SYNPO: variants seen among roughly 807,000 people sequenced by gnomAD.
The protein encoded by SYNPO is synaptopodin.
Under a neutral mutation model 49.5 loss-of-function variants are expected in SYNPO, and 19 were observed. That is an observed-to-expected ratio of 0.38 (90% CI 0.27 to 0.56). The LOEUF is 0.56. Among genes scored for constraint, SYNPO ranks in the 20% least tolerant of loss-of-function variants. The pLI, the probability that SYNPO is intolerant of heterozygous loss-of-function variation, is 0.68. For missense variants in SYNPO, 1,131 were observed against 1,248.3 expected, an observed-to-expected ratio of 0.91 and a Z score of 1.42; for synonymous variants, 536 against 548.0, an observed-to-expected ratio of 0.98 and a Z score of 0.31.
chr5:150,598,844 A>G (rs912568309), upstream of SYNPO, among the ~76,000 whole-genome samples: 1 of 151,748 alleles, frequency 6.6e-6, no homozygotes, highest in African/African-American at 2.4e-5. Flanking sequence ...AGGGGTCCCC[A>G]GAGGCCTGAA....
intron 2 of SYNPO, among the ~76,000 whole-genome samples, chr5:150,628,382 C>G (rs776030937): frequency 4.6e-5 from 7 of 152,202 alleles, no homozygotes; most frequent in Non-Finnish European, 1.0e-4. Context: ...TGGAGGCATG[C>G]CTCATGTGTG....
chr5:150,622,024 A>G (rs1364480964), intron 2 of SYNPO, among the ~76,000 whole-genome samples: 2 of 152,242 alleles, frequency 1.3e-5, no homozygotes, highest in African/African-American at 4.8e-5. Flanking sequence ...TGAGTGCCAG[A>G]GATGGCAAGT....
At chr5:150,602,997 G>GGGGGT (rs1554106602) in intron 1 of SYNPO, among the ~76,000 whole-genome samples, 6 of 131,252 alleles carry the variant, frequency 4.6e-5, no homozygotes, top group African/African-American at 1.8e-4. Context: ...GCCACCTTAG[G>GGGGGT]GTGTGTGTGT....
At chr5:150,603,884 G>A (rs113564487) in intron 1 of SYNPO, among the ~76,000 whole-genome samples, 2,840 of 152,322 alleles carry the variant, frequency 0.019, 54 homozygotes, top group Non-Finnish European at 0.024. Context: ...GCCCTAGGAT[G>A]AAACAAAATG....
chr5:150,607,631 G>C (rs1185375784), intron 1 of SYNPO, among the ~76,000 whole-genome samples: 3 of 152,188 alleles, frequency 2.0e-5, no homozygotes, highest in Non-Finnish European at 4.4e-5. Flanking sequence ...ACTTGACCCA[G>C]GTCTCACAGC....
chr5:150,588,977 A>G, the SYNPO span, among the ~76,000 whole-genome samples: 2 of 152,008 alleles, frequency 1.3e-5, no homozygotes, highest in Non-Finnish European at 2.9e-5. Context: ...TCGAGGCTAT[A>G]TTGATTCAAT....
chr5:150,604,306 C>G (rs1249572962), intron 1 of SYNPO, among the ~76,000 whole-genome samples: 1 of 152,214 alleles, frequency 6.6e-6, no homozygotes, highest in Non-Finnish European at 1.5e-5. Flanking sequence ...AAGAAACATT[C>G]TCATTTAAAA....
upstream of SYNPO, among the ~76,000 whole-genome samples, chr5:150,596,946 T>C (rs1450849665): frequency 6.6e-6 from 1 of 152,210 alleles, no homozygotes. Context: ...TCTGTCCACA[T>C]TCTGGATTCT....
intron 2 of SYNPO, among the ~76,000 whole-genome samples, chr5:150,635,627 C>T (rs568965939): frequency 6.6e-6 from 1 of 152,268 alleles, no homozygotes; most frequent in South Asian, 2.1e-4. Flanking sequence ...CGCTACTATG[C>T]CTGGCAAATA....
At chr5:150,607,295 G>T (rs1267085961) in intron 1 of SYNPO, among the ~76,000 whole-genome samples, 1 of 152,214 alleles carries the variant, frequency 6.6e-6, no homozygotes, top group Non-Finnish European at 1.5e-5. Flanking sequence ...ATGTTAGGCT[G>T]CATTAATAAA....
At chr5:150,627,231 T>C (rs369899005) in intron 2 of SYNPO, among the ~76,000 whole-genome samples, 6 of 152,140 alleles carry the variant, frequency 3.9e-5, no homozygotes, top group East Asian at 1.9e-4. Flanking sequence ...CCCGGGGAAG[T>C]ACAGGGGGGT....
At position 150,656,616 on chromosome 5, in the gene SYNPO, G is replaced by A; in HGVS notation, c.2241G>A (p.Arg747=). 1 of 1,512,368 alleles carries A rather than the reference G, an allele frequency of 6.6e-7. No individual in the cohort carries two copies. The highest frequency in any genetic ancestry group is 8.8e-7 in the Non-Finnish European group (1 of 1,137,924). The allele number at this position is 1,512,368 out of a possible 1,614,324, so 93.7% of individuals were successfully genotyped here. The change falls in exon 3 of 3, where the codon CGG becomes CGA. Residue 747 remains arginine (R), a synonymous_variant. Transcript: ENST00000307662. ...VSPLRPETEA[R]PPSRQLQALL... is the part of the protein sequence containing the mutation. ...CGCTGCGACCTGAGACCGAGGCGCG[G>A]CCCCCCAGCCGCCAGCTGCAGGCGC...
intron 2 of SYNPO, chr5:150,651,496 AT>A: frequency 1.0e-6 from 1 of 1,000,950 alleles, no homozygotes; most frequent in Non-Finnish European, 1.2e-6. Context: ...GAAATGGGCT[AT>A]TGCCAAAGGA....
chr5:150,598,161 A>G (rs955536343), upstream of SYNPO, among the ~76,000 whole-genome samples: 1 of 152,134 alleles, frequency 6.6e-6, no homozygotes, highest in Admixed American at 6.5e-5. Flanking sequence ...CCACAGAGAA[A>G]CACACACTAC....
intron 2 of SYNPO, chr5:150,653,408 GCCA>G (rs900498291): frequency 4.6e-5 from 7 of 152,208 alleles, no homozygotes; most frequent in African/African-American, 9.7e-5. Flanking sequence ...TCCCCTTGTG[GCCA>G]CCAAAGGCAG....
At chr5:150,650,579 GGA>G in intron 2 of SYNPO, 2 of 1,455,222 alleles carry the variant, frequency 1.4e-6, no homozygotes, top group Admixed American at 2.8e-5. Context: ...GGAGGGTCAT[GGA>G]GAGAGAACTG....
chr5:150,602,794 G>T (rs747885354), intron 1 of SYNPO, among the ~76,000 whole-genome samples: 2 of 152,026 alleles, frequency 1.3e-5, no homozygotes, highest in Non-Finnish European at 2.9e-5. Context: ...TTCCCTCATG[G>T]CTTCCCAGCG....
At chr5:150,598,370 C>T (rs754784928), upstream of SYNPO, among the ~76,000 whole-genome samples, 1 of 152,226 alleles carries the variant, frequency 6.6e-6, no homozygotes. Flanking sequence ...GTCTGTGCTG[C>T]CGTGAAGGGC....
intron 1 of SYNPO, among the ~76,000 whole-genome samples, chr5:150,644,048 G>A (rs1028449972): frequency 6.6e-6 from 1 of 151,966 alleles, no homozygotes; most frequent in African/African-American, 2.4e-5. Flanking sequence ...AGTGGCATAT[G>A]CCTATAGTCC....
Sources: gnomAD v4.1 joint callset for allele counts (sites outside exome capture counted in the v4.1 genomes callset) on GRCh38, gnomAD v4.1.1 for gene constraint, MANE v1.5 for transcripts, NCBI Gene and HGNC (gene_info 2026-07-23, HGNC 2026-07-21) for gene names.